The following PCDHGA1 variants were observed in gnomAD, a reference collection of about 807,000 sequenced individuals.
The protein encoded by PCDHGA1 is protocadherin gamma-A1.
Under a neutral mutation model 58.0 loss-of-function variants are expected in PCDHGA1, and 32 were observed. That is an observed-to-expected ratio of 0.55 (90% CI 0.42 to 0.74). PCDHGA1 has a LOEUF of 0.74. PCDHGA1 is among the 30% of genes least tolerant of loss of function. PCDHGA1 has a pLI of 0.00. For synonymous variants in PCDHGA1, 498 were observed against 501.1 expected (o/e 0.99, Z 0.08); for missense variants, 1,205 against 1,182.3 (o/e 1.02, Z -0.28).
At chr5:141,393,442 T>G (rs932289283) in intron 1 of PCDHGA1, 3 of 1,614,056 alleles carry the variant, frequency 1.9e-6, no homozygotes, top group Non-Finnish European at 2.5e-6. Context: ...GCTCACCACC[T>G]GGTCCTCACG....
In PCDHGA1 at chr5:141,494,863, C is replaced by A. The variant is rs538734954; in HGVS notation, c.2478C>A (p.Ser826Arg). 17 of 1,614,118 alleles carry A rather than the reference C, an allele frequency of 1.1e-5. No individual in the cohort carries two copies. Among genetic ancestry groups the A allele is most frequent in the Non-Finnish European group, 1.4e-5 (17 of 1,179,994 alleles). Residue 826 changes from serine to arginine, a missense_variant and splice_region_variant, in exon 2 of 4, where the codon AGC becomes AGA. By Grantham distance (110) the Ser-to-Arg change is moderately radical. Transcript: ENST00000517417. ...RFSQAQRPGT[S>R]GSQNGDDTGT... ...CTCAGGCCCAGAGACCCGGCACCAG[C>A]GGGTAGGTGACTGATTCTCCAGCCC...
At chr5:141,405,047 G>T (rs754907464) in intron 1 of PCDHGA1, 1 of 1,613,944 alleles carries the variant, frequency 6.2e-7, no homozygotes, top group Non-Finnish European at 8.5e-7. Flanking sequence ...GGCTGTGGCA[G>T]TCGTCTCCTG....
rs111842066 is a variant in PCDHGA1, at chr5:141,486,269, G to A, written c.2422-8538G>A. 6.2e-7 allele frequency: 1 copy of A among 1,613,996 alleles called. No homozygotes were observed. Reference sequence around the variant, plus strand: ...AACCCTCCCCGAGAGTGCAGAACCTGGCACTGTGGTGGCACTTATCAGTGT... The same window carrying A: ...AACCCTCCCCGAGAGTGCAGAACCTAGCACTGTGGTGGCACTTATCAGTGT... On this transcript the variant is annotated intron_variant, in intron 1 of 3. Transcript: ENST00000517417. This position sits in a 1 kb window ranked among gnomAD's most constrained non-coding sequence, Gnocchi z 5.0.
intron 1 of PCDHGA1, chr5:141,387,786 C>T: frequency 1.4e-6 from 2 of 1,473,828 alleles, no homozygotes; most frequent in Non-Finnish European, 1.8e-6. Flanking sequence ...ACTGGAACTG[C>T]AACTAAAGTC....
chr5:141,343,261 G>A (rs555556385), intron 1 of PCDHGA1: 10 of 949,920 alleles, frequency 1.1e-5, no homozygotes, highest in Middle Eastern at 5.5e-4. Flanking sequence ...AAGTTATCAG[G>A]TCACCAAGAA....
chr5:141,430,639 A>C, intron 1 of PCDHGA1: 6 of 900,712 alleles, frequency 6.7e-6, no homozygotes, highest in Non-Finnish European at 9.7e-6. Context: ...CATCCCTGGG[A>C]GTATGTGGAA....
At chr5:141,365,529 A>C (rs376283711) in intron 1 of PCDHGA1, 2 of 1,613,724 alleles carry the variant, frequency 1.2e-6, no homozygotes, top group Non-Finnish European at 1.7e-6. Context: ...TCAGTTGATA[A>C]TTACTATCAC....
Position 141,412,979 on chromosome 5 carries a change from C to G in PCDHGA1, c.2421+79874C>G, listed in dbSNP as rs2154544283. ...CACCTACTAGGAGAGAAAACGCAGCCAGAGCTCAATCCGGATTCTCAGGGC... is the reference window on the plus strand; with the variant it reads ...CACCTACTAGGAGAGAAAACGCAGCGAGAGCTCAATCCGGATTCTCAGGGC... On this transcript the variant is annotated intron_variant, in intron 1 of 3. Coordinates refer to ENST00000517417, the MANE Select transcript of PCDHGA1 (RefSeq NM_018912.3). 5.5e-6 allele frequency: 3 copies of G among 542,930 alleles called. No individual in the cohort carries two copies. In the East Asian group the frequency reaches 9.2e-5, roughly 17 times the overall value. 33.6% of individuals were successfully genotyped at this position (542,930 alleles called of 1,614,324 possible). A position where few individuals can be genotyped will look rare whatever the true frequency, so the allele number is the denominator to read the frequency against.
At chr5:141,360,543 T>G (rs369225043) in intron 1 of PCDHGA1, 4 of 1,613,952 alleles carry the variant, frequency 2.5e-6, no homozygotes, top group Non-Finnish European at 3.4e-6. Flanking sequence ...TCAAACAGAC[T>G]AAGATTAATT....
At chr5:141,474,606 T>C (rs1156236978) in intron 1 of PCDHGA1, among the ~76,000 whole-genome samples, 1 of 152,242 alleles carries the variant, frequency 6.6e-6, no homozygotes, top group Non-Finnish European at 1.5e-5. Context: ...ATAGGTCACA[T>C]ATGGCTTTTC....
At chr5:141,414,704 C>A (rs778708386) in intron 1 of PCDHGA1, 8 of 1,614,036 alleles carry the variant, frequency 5.0e-6, no homozygotes, top group Non-Finnish European at 5.9e-6. Flanking sequence ...TCATACATAT[C>A]CATCAACTCA....
intron 1 of PCDHGA1, chr5:141,352,414 C>T (rs1759006095): frequency 1.2e-6 from 2 of 1,614,062 alleles, no homozygotes; most frequent in Non-Finnish European, 1.7e-6. Context: ...CCAGCCTCGA[C>T]ACTGAGGGCT....
At chr5:141,347,651 G>A (rs898058080) in intron 1 of PCDHGA1, among the ~76,000 whole-genome samples, 1 of 152,028 alleles carries the variant, frequency 6.6e-6, no homozygotes, top group African/African-American at 2.4e-5. Context: ...GCTGGGCATG[G>A]TGGTGGGCGC....
rs62378448 is a variant in PCDHGA1, at chr5:141,400,064, G to C, written c.2421+66959G>C. On this transcript the variant is annotated intron_variant, in intron 1 of 3. Transcript: ENST00000517417. ...CTGCTGGTTGCTGTGCGTGATGGTG[G>C]ACAGCCGCCACTCTCCGCCACCGCC... The C allele has an allele frequency of 7.6e-4, 1,225 of 1,613,770 alleles. No homozygotes were observed. The highest frequency in any genetic ancestry group is 9.7e-4 in the Non-Finnish European group (1,150 of 1,179,858).
In PCDHGA1 at chr5:141,460,999, G is replaced by GTA. The variant is rs1350972422; in HGVS notation, c.2422-33797_2422-33796dup. Reference sequence around the variant, plus strand: ...TGTGTGTGTGTATATATATATATGTGTATATATATATACCACATTTTCTTT... The same window carrying GTA: ...TGTGTGTGTGTATATATATATATGTGTATATATATATATACCACATTTTCTTT... On this transcript the variant is annotated intron_variant, in intron 1 of 3. Coordinates refer to ENST00000517417, the MANE Select transcript of PCDHGA1 (RefSeq NM_018912.3). Among the ~76,000 whole-genome samples, 54 of 149,566 alleles carry GTA rather than the reference G, an allele frequency of 3.6e-4. No homozygotes were observed. The South Asian group carries it at 4.2e-3, about 12-fold the overall frequency.
chr5:141,393,088 G>C (rs760420305), intron 1 of PCDHGA1: 4 of 1,613,648 alleles, frequency 2.5e-6, no homozygotes, highest in South Asian at 1.1e-5. Context: ...AGGATAGATC[G>C]GGAGGAGCTC....
rs1759889297 is a variant in PCDHGA1 at position 141,355,529 on chromosome 5, T to C, written c.2421+22424T>C. ...TGTGTGACAAACCTGGAGATTCTTC[T>C]AGAAGATACAGTGAAGATTTTGCGG... On this transcript the variant is annotated intron_variant, in intron 1 of 3. Coordinates refer to ENST00000517417, the MANE Select transcript of PCDHGA1 (RefSeq NM_018912.3). 5 of 1,614,052 alleles carry C rather than the reference T, an allele frequency of 3.1e-6. No individual in the cohort carries two copies. The South Asian group carries it at 4.4e-5, about 14-fold the overall frequency.
intron 1 of PCDHGA1, chr5:141,433,078 C>A (rs947684072): frequency 2.5e-5 from 40 of 1,614,144 alleles, no homozygotes; most frequent in Non-Finnish European, 3.3e-5. Context: ...TCCCCCAGCC[C>A]AACTATGCAG....
At chr5:141,387,728 C>A (rs1366349422) in intron 1 of PCDHGA1, 3 of 1,221,130 alleles carry the variant, frequency 2.5e-6, no homozygotes, top group Non-Finnish European at 2.2e-6. Flanking sequence ...TCCCCAGCGC[C>A]AGCCTTTACA....
Sources: gnomAD v4.1 joint callset for allele counts (sites outside exome capture counted in the v4.1 genomes callset) on GRCh38, gnomAD v4.1.1 for gene constraint, Gnocchi (gnomAD v3.1) non-coding constraint, MANE v1.5 for transcripts, NCBI Gene and HGNC (gene_info 2026-07-23, HGNC 2026-07-21) for gene names.